The following BIN1 variants were observed in gnomAD, a reference collection of about 807,000 sequenced individuals.
BIN1 encodes the protein myc box-dependent-interacting protein 1.
Under a neutral mutation model 82.0 loss-of-function variants are expected in BIN1, and 53 were observed. The observed-to-expected ratio is 0.65, with a 90% confidence interval of 0.52 to 0.81. The LOEUF is 0.81. Ranked by LOEUF, BIN1 falls within the 40% of genes least tolerant of loss-of-function variation. The pLI, the probability that BIN1 is intolerant of heterozygous loss-of-function variation, is 0.00. For missense variants in BIN1, 642 were observed against 784.4 expected (o/e 0.82, Z 2.17); for synonymous variants, 302 against 328.0 (o/e 0.92, Z 0.86).
chr2:127,071,470 G>A (rs1000330651), intron 2 of BIN1, among the ~76,000 whole-genome samples: 5 of 152,182 alleles, frequency 3.3e-5, no homozygotes, highest in Non-Finnish European at 5.9e-5. Context: ...GGGACAGTGG[G>A]CTGGGTGGTG....
chr2:127,053,830 C>G, intron 13 of BIN1, 75 bp downstream of exon 13: 1 of 1,438,526 alleles, frequency 7.0e-7, no homozygotes, highest in Middle Eastern at 2.2e-4. Flanking sequence ...GGTCACGTGG[C>G]CAATAGGCAA....
intron 12 of BIN1, among the ~76,000 whole-genome samples, chr2:127,056,931 G>A (rs1400383489): frequency 6.6e-6 from 1 of 152,248 alleles, no homozygotes; most frequent in Non-Finnish European, 1.5e-5. Flanking sequence ...GCTGAGCCAA[G>A]GGCCCGTCGG....
intron 10 of BIN1, among the ~76,000 whole-genome samples, chr2:127,061,499 G>A (rs1361674581): frequency 1.3e-5 from 2 of 152,154 alleles, no homozygotes; most frequent in African/African-American, 4.8e-5. Context: ...ATGCACACAT[G>A]GCCAGAAGGG....
chr2:127,052,893 G>A (rs1237161175), intron 14 of BIN1: 2 of 246,790 alleles, frequency 8.1e-6, no homozygotes, highest in Non-Finnish European at 1.6e-5. Flanking sequence ...ACAGTGACAT[G>A]GTGCTGTGTG....
rs768734080 is a variant in BIN1, at chr2:127,063,905, G to A, written c.698+28C>T. 5.6e-6 allele frequency: 9 copies of A among 1,612,488 alleles called. No individual in the cohort carries two copies. In the South Asian group the frequency reaches 7.7e-5, roughly 14 times the overall value. On this transcript the variant is annotated intron_variant, in intron 8 of 18. Coordinates refer to ENST00000316724, the MANE Select transcript of BIN1 (RefSeq NM_139343.3). The stretch of plus-strand genomic sequence containing the variant: ...GCACGCAGACTGGACACTGCCCCAC[G>A]CAGGCTGGGCACCGTGCTGGGCCTC...
rs540845804 is a variant in BIN1, at chr2:127,078,491, C to T, written c.85-1785G>A. ...CATCTTACTGGGGAGTTTTGAATTG[C>T]TCAAGGTGACTAGAGGTCACAGAGG... On this transcript the variant is annotated intron_variant, in intron 1 of 18. Coordinates refer to ENST00000316724, the MANE Select transcript of BIN1 (RefSeq NM_139343.3). Among the ~76,000 whole-genome samples the T allele has an allele frequency of 3.3e-5, 5 of 152,210 alleles. No individual in the cohort carries two copies. In the East Asian group the frequency reaches 5.8e-4, roughly 18 times the overall value.
chr2:127,074,178 C>T (rs760557151), intron 2 of BIN1, among the ~76,000 whole-genome samples: 6 of 152,184 alleles, frequency 3.9e-5, no homozygotes, highest in East Asian at 3.9e-4. Context: ...AGGCTTCCCA[C>T]GCCCCATTCT....
At chr2:127,074,348 A>T (rs1686323654) in intron 2 of BIN1, among the ~76,000 whole-genome samples, 2 of 152,116 alleles carry the variant, frequency 1.3e-5, no homozygotes, top group African/African-American at 4.8e-5. Flanking sequence ...GCCTTGAACA[A>T]GACCTTAAAA....
chr2:127,075,085 T>A lies in BIN1; in HGVS notation c.165+1541A>T, dbSNP rs111480887. The stretch of plus-strand genomic sequence containing the variant: ...AGCCAGCTGCCCTCAGGACAAGGGA[T>A]CAGCTCCAGAGAGGAAACTCGATAG... On this transcript the variant is annotated intron_variant, in intron 2 of 18. Transcript: ENST00000316724. Among the ~76,000 whole-genome samples, 441 of 152,214 alleles carry A rather than the reference T, an allele frequency of 2.9e-3. 3 individuals carry two copies. The highest frequency in any genetic ancestry group is 0.01 in the African/African-American group (422 of 41,520).
At chr2:127,092,303 C>A (rs1679040737) in intron 1 of BIN1, among the ~76,000 whole-genome samples, 1 of 152,150 alleles carries the variant, frequency 6.6e-6, no homozygotes, top group South Asian at 2.1e-4. Context: ...ATGCACTGCC[C>A]CTCCCCACCC....
At chr2:127,056,699 T>C (rs1212045313) in intron 12 of BIN1, among the ~76,000 whole-genome samples, 2 of 152,222 alleles carry the variant, frequency 1.3e-5, no homozygotes, top group East Asian at 3.9e-4. Flanking sequence ...GGCAGTCAGC[T>C]CTCGGGGAGT....
intron 1 of BIN1, among the ~76,000 whole-genome samples, chr2:127,103,071 A>G (rs1318975675): frequency 2.0e-5 from 3 of 152,176 alleles, no homozygotes; most frequent in Non-Finnish European, 4.4e-5. Flanking sequence ...ACCCCTGCAA[A>G]GTCAGTGGCC....
rs1009608542 is a variant in BIN1, at chr2:127,064,027, C to T, written c.613-9G>A. The T allele has an allele frequency of 2.5e-6, 4 of 1,613,750 alleles. No individual in the cohort carries two copies. In the East Asian group the frequency reaches 8.9e-5, roughly 36 times the overall value. The stretch of plus-strand genomic sequence containing the variant: ...ATGAGCTCCTCCTCGGCCTGGGGGG[C>T]AGCACGGGTCATTCCCCTCTGTTGG... On this transcript the variant is annotated splice_polypyrimidine_tract_variant and intron_variant, in intron 7 of 18. Coordinates refer to ENST00000316724, the MANE Select transcript of BIN1 (RefSeq NM_139343.3).
intron 10 of BIN1, chr2:127,060,766 A>C: frequency 3.2e-6 from 4 of 1,264,092 alleles, no homozygotes; most frequent in Non-Finnish European, 4.5e-6. Context: ...GCCTCTCCTA[A>C]GTGCCAGAGG....
chr2:127,107,085 C>T lies in BIN1; in HGVS notation c.-142G>A. The T allele has an allele frequency of 3.4e-6, 3 of 875,620 alleles. No individual in the cohort carries two copies. The highest frequency in any genetic ancestry group is 1.5e-6 in the Non-Finnish European group (1 of 645,996). 54.2% of individuals were successfully genotyped at this position (875,620 alleles called of 1,614,324 possible). On this transcript the variant is annotated 5_prime_UTR_variant, in exon 1 of 19. Coordinates refer to ENST00000316724, the MANE Select transcript of BIN1 (RefSeq NM_139343.3). The surrounding 1 kb of genome is among the most constrained non-coding windows in gnomAD (Gnocchi z 5.9). ...CGCACCCGACAGCGGAGCCAACTGACGGAGGCGGAGCGTGCGCCGGACGGG... is the reference window on the plus strand; with the variant it reads ...CGCACCCGACAGCGGAGCCAACTGATGGAGGCGGAGCGTGCGCCGGACGGG...
chr2:127,051,919 A>G (rs1417211809), intron 15 of BIN1, among the ~76,000 whole-genome samples: 5 of 152,212 alleles, frequency 3.3e-5, no homozygotes, highest in Non-Finnish European at 1.5e-5. Flanking sequence ...TAAAAGGAGG[A>G]AGTGTCTGGC....
chr2:127,069,765 C>CACACAT (rs35387936), intron 5 of BIN1, among the ~76,000 whole-genome samples: 123 of 151,990 alleles, frequency 8.1e-4, no homozygotes, highest in Non-Finnish European at 1.3e-3. Flanking sequence ...CACACACACA[C>CACACAT]GTGCCGTGAG....
chr2:127,094,778 A>C (rs1234065141), intron 1 of BIN1, among the ~76,000 whole-genome samples: 2 of 152,178 alleles, frequency 1.3e-5, no homozygotes, highest in Admixed American at 1.3e-4. Context: ...CCTGCAGCCC[A>C]CACCCATTCC....
intron 1 of BIN1, 101 bp from the exon 2 acceptor site, chr2:127,076,807 G>T (rs1686673549): frequency 1.5e-6 from 2 of 1,378,784 alleles, no homozygotes; most frequent in Non-Finnish European, 2.1e-6. Context: ...GGGCTGGGAA[G>T]TCTCTAGCCA....
Sources: gnomAD v4.1 joint callset for allele counts (sites outside exome capture counted in the v4.1 genomes callset) on GRCh38, gnomAD v4.1.1 for gene constraint, Gnocchi (gnomAD v3.1) non-coding constraint, MANE v1.5 for transcripts, NCBI Gene and HGNC (gene_info 2026-07-23, HGNC 2026-07-21) for gene names.